The following IGSF21 variants were observed in gnomAD, a reference collection of about 807,000 sequenced individuals.
The protein encoded by IGSF21 is immunoglobin superfamily member 21.
IGSF21 carries 28 observed loss-of-function variants against 46.8 expected under a neutral mutation model. The observed-to-expected ratio is 0.60, with a 90% CI of 0.44 to 0.82. The LOEUF (loss-of-function observed/expected upper bound fraction) is 0.82, where lower values mean the gene tolerates loss of function less well. Among genes scored for constraint, IGSF21 ranks in the 40% least tolerant of loss-of-function variants. IGSF21 has a pLI of 0.00. For synonymous variants in IGSF21, 284 were observed against 273.6 expected (o/e 1.04, Z -0.38); for missense variants, 624 against 665.5 (o/e 0.94, Z 0.69).
chr1:18,217,526 GC>G (rs2084461709), intron 1 of IGSF21, among the ~76,000 whole-genome samples: 1 of 152,310 alleles, frequency 6.6e-6, no homozygotes, highest in African/African-American at 2.4e-5. Flanking sequence ...CAACTTCCTG[GC>G]CCTCCTTGCA....
chr1:18,242,927 A>G lies in IGSF21; in HGVS notation c.183+14917A>G, dbSNP rs74056558. On this transcript the variant is annotated intron_variant, in intron 2 of 9. Coordinates refer to ENST00000251296, the MANE Select transcript of IGSF21 (RefSeq NM_032880.5). The stretch of plus-strand genomic sequence containing the variant: ...GTGACCCGCACCCTTGTCTGGAGCT[A>G]TTCAAGAGTGAGGAAGGGACAGTGG... Among the ~76,000 whole-genome samples the G allele has an allele frequency of 3.8e-3, 586 of 152,304 alleles. 4 individuals carry two copies. The highest frequency in any genetic ancestry group is 0.013 in the African/African-American group (529 of 41,562).
intron 2 of IGSF21, among the ~76,000 whole-genome samples, chr1:18,280,657 T>C (rs1397369429): frequency 6.6e-6 from 1 of 152,026 alleles, no homozygotes; most frequent in African/African-American, 2.4e-5. Context: ...AGATCTCAAA[T>C]TGACTTGAAC....
At chr1:18,171,005 A>C (rs2086731332) in intron 1 of IGSF21, among the ~76,000 whole-genome samples, 1 of 151,980 alleles carries the variant, frequency 6.6e-6, no homozygotes, top group African/African-American at 2.4e-5. Context: ...AAAGCAAGGA[A>C]ACAGCAGACA....
intron 1 of IGSF21, among the ~76,000 whole-genome samples, chr1:18,204,465 CTTCT>C (rs2087106438): frequency 1.3e-5 from 2 of 152,140 alleles, no homozygotes; most frequent in Admixed American, 6.5e-5. Context: ...AAAAATCTTC[CTTCT>C]TTGAGTGTGG....
chr1:18,306,809 T>C (rs2085430629), intron 3 of IGSF21, among the ~76,000 whole-genome samples: 1 of 152,222 alleles, frequency 6.6e-6, no homozygotes, highest in East Asian at 1.9e-4. Flanking sequence ...CAAATGTGTT[T>C]GTGCTGGATG....
intron 1 of IGSF21, among the ~76,000 whole-genome samples, chr1:18,143,275 T>C (rs1328367463): frequency 1.3e-5 from 2 of 152,166 alleles, no homozygotes; most frequent in Non-Finnish European, 2.9e-5. Context: ...GACTTCTGTG[T>C]GCTATCCCCC....
chr1:18,323,768 C>G (rs973590789), intron 3 of IGSF21, among the ~76,000 whole-genome samples: 5 of 152,090 alleles, frequency 3.3e-5, no homozygotes, highest in Non-Finnish European at 5.9e-5. Flanking sequence ...CCAGTGGATG[C>G]CACAGATATT....
intron 3 of IGSF21, among the ~76,000 whole-genome samples, chr1:18,300,567 G>A (rs555373364): frequency 1.3e-3 from 205 of 152,324 alleles, no homozygotes; most frequent in Admixed American, 3.7e-3. Flanking sequence ...TGAGCTGCCC[G>A]CATACCTGGG....
chr1:18,180,777 A>T (rs549225975), intron 1 of IGSF21, among the ~76,000 whole-genome samples: 1 of 152,344 alleles, frequency 6.6e-6, no homozygotes, highest in South Asian at 2.1e-4. Flanking sequence ...TTTAAGGCTT[A>T]TACAACCTTG....
chr1:18,125,347 A>T (rs774065123), intron 1 of IGSF21, among the ~76,000 whole-genome samples: 2 of 151,856 alleles, frequency 1.3e-5, no homozygotes, highest in Non-Finnish European at 1.5e-5. Context: ...ACCAGTTGTG[A>T]CTCCTCTTCA....
intron 8 of IGSF21, 108 bp from the exon 9 acceptor site, chr1:18,377,283 TGA>T: frequency 9.9e-7 from 1 of 1,015,032 alleles, no homozygotes; most frequent in South Asian, 1.3e-5. Flanking sequence ...GTGGCTGCAC[TGA>T]GACAGTGCGT....
chr1:18,352,747 G>GT (rs2085970787), intron 4 of IGSF21, among the ~76,000 whole-genome samples: 1 of 152,224 alleles, frequency 6.6e-6, no homozygotes, highest in African/African-American at 2.4e-5. Flanking sequence ...AGAGCCTCCA[G>GT]TTGGGGCTGT....
At position 18,359,466 on chromosome 1, in the gene IGSF21, AGG is replaced by A. The variant is rs1557659813; in HGVS notation, c.425-2648_425-2647del. Among the ~76,000 whole-genome samples the A allele has an allele frequency of 1.0e-3, 14 of 13,340 alleles. 1 individual carries two copies. Among genetic ancestry groups the A allele is most frequent in the African/African-American group, 2.3e-3 (14 of 6,006 alleles). 8.8% of individuals were successfully genotyped at this position (13,340 alleles called of 152,430 possible). ...AAAGAGAAAGAAAGAAAGAAAGGGAAGGAAGGAAGGAAGGAAGGAAGGAAGGA... is the reference window on the plus strand; with the variant it reads ...AAAGAGAAAGAAAGAAAGAAAGGGAAAAGGAAGGAAGGAAGGAAGGAAGGA... On this transcript the variant is annotated intron_variant, in intron 4 of 9. Coordinates refer to ENST00000251296, the MANE Select transcript of IGSF21 (RefSeq NM_032880.5).
intron 1 of IGSF21, among the ~76,000 whole-genome samples, chr1:18,191,324 T>C (rs2086953943): frequency 1.3e-5 from 2 of 152,098 alleles, no homozygotes; most frequent in South Asian, 4.2e-4. Flanking sequence ...TATGAAAGAA[T>C]TGCCTTACAA....
intron 3 of IGSF21, among the ~76,000 whole-genome samples, chr1:18,319,770 A>T (rs537704267): frequency 6.6e-6 from 1 of 152,172 alleles, no homozygotes; most frequent in Non-Finnish European, 1.5e-5. Context: ...ACCTCCCAGC[A>T]ATTTCAAATT....
chr1:18,316,029 G>A (rs2085540192), intron 3 of IGSF21, among the ~76,000 whole-genome samples: 2 of 152,174 alleles, frequency 1.3e-5, no homozygotes, highest in Admixed American at 1.3e-4. Flanking sequence ...CCATGCTCCA[G>A]TGCAGGTATT....
chr1:18,229,851 C>T (rs189831907), intron 2 of IGSF21, among the ~76,000 whole-genome samples: 2 of 152,352 alleles, frequency 1.3e-5, no homozygotes, highest in Admixed American at 6.5e-5. Context: ...AAATTAACTC[C>T]AGCTCACTGC....
rs181212694 is a variant in IGSF21 at position 18,225,055 on chromosome 1, A to G, written c.71-2843A>G. 3.6e-3 allele frequency among the ~76,000 whole-genome samples: 256 copies of G among 71,718 alleles called. 2 individuals carry two copies. Among genetic ancestry groups the G allele is most frequent in the African/African-American group, 0.013 (233 of 17,456 alleles). The allele number at this position is 71,718 out of a possible 152,430, so 47.0% of individuals were successfully genotyped here. A position where few individuals can be genotyped will look rare whatever the true frequency, so the allele number is the denominator to read the frequency against. ...ACTCCAGCCTGGATGACAGAGTGAG[A>G]CTCTGTATCTCTCTCTCTCTCTCTC... On this transcript the variant is annotated intron_variant, in intron 1 of 9. Coordinates refer to ENST00000251296, the MANE Select transcript of IGSF21 (RefSeq NM_032880.5).
At chr1:18,252,316 T>G (rs2084851262) in intron 2 of IGSF21, among the ~76,000 whole-genome samples, 1 of 152,244 alleles carries the variant, frequency 6.6e-6, no homozygotes, top group Admixed American at 6.5e-5. Context: ...CCCAAAGTGC[T>G]GGGATTACAG....
Sources: gnomAD v4.1 joint callset for allele counts (sites outside exome capture counted in the v4.1 genomes callset) on GRCh38, gnomAD v4.1.1 for gene constraint, MANE v1.5 for transcripts, NCBI Gene and HGNC (gene_info 2026-07-23, HGNC 2026-07-21) for gene names.